CDK1: variants seen among roughly 807,000 people sequenced by gnomAD.
The protein encoded by CDK1 is cyclin dependent kinase 1.
Under a neutral mutation model 34.6 loss-of-function variants are expected in CDK1, and 5 were observed. The ratio of observed to expected loss-of-function variants is 0.14; its 90% CI spans 0.08 to 0.30. The LOEUF is 0.30. CDK1 is among the 10% of genes least tolerant of loss of function. The probability of loss-of-function intolerance (pLI) is 1.00; values close to 1 mark genes in which losing one functional copy is unlikely to be tolerated. For synonymous variants in CDK1, 108 were observed against 114.7 expected, an observed-to-expected ratio of 0.94 and a Z score of 0.37; for missense variants, 157 against 345.7, an observed-to-expected ratio of 0.45 and a Z score of 4.33.
chr10:60,792,349 C>A (rs1469989346), intron 7 of CDK1, 60 bp downstream of exon 7: 8 of 1,444,318 alleles, frequency 5.5e-6, no homozygotes, highest in Middle Eastern at 1.8e-4. Flanking sequence ...ATATTCAGTT[C>A]TTTGTTTTGC....
intron 2 of CDK1, among the ~76,000 whole-genome samples, chr10:60,784,392 C>T (rs373150318): frequency 2.2e-4 from 33 of 152,140 alleles, no homozygotes; most frequent in African/African-American, 6.3e-4. Context: ...CATTTTGGGG[C>T]GGCGAGGCAG....
At chr10:60,785,302 T>C (rs1434576434) in intron 3 of CDK1, among the ~76,000 whole-genome samples, 1 of 152,212 alleles carries the variant, frequency 6.6e-6, no homozygotes, top group East Asian at 1.9e-4. Flanking sequence ...TAAAATCTAA[T>C]TGTACTTGGC....
Position 60,788,047 on chromosome 10 carries a change from T to C in CDK1, c.319-13T>C. ...CTTCGCTTAAGTTTCTAACTTTTACTTGCTTTTTCCAGAGTTATTTATACC... is the reference window on the plus strand; with the variant it reads ...CTTCGCTTAAGTTTCTAACTTTTACCTGCTTTTTCCAGAGTTATTTATACC... On this transcript the variant is annotated splice_polypyrimidine_tract_variant and intron_variant, in intron 4 of 7. Coordinates refer to ENST00000395284, the MANE Select transcript of CDK1 (RefSeq NM_001786.5). The C allele has an allele frequency of 1.5e-6, 2 of 1,336,068 alleles. No individual in the cohort carries two copies. Among genetic ancestry groups the C allele is most frequent in the Non-Finnish European group, 2.0e-6 (2 of 1,014,594 alleles). 82.8% of individuals were successfully genotyped at this position (1,336,068 alleles called of 1,614,324 possible).
chr10:60,780,624 A>G (rs1325319365), intron 2 of CDK1, among the ~76,000 whole-genome samples: 3 of 152,192 alleles, frequency 2.0e-5, no homozygotes, highest in African/African-American at 7.2e-5. Context: ...GACTGGTTAC[A>G]ATAATTGACT....
chr10:60,788,219 T>C lies in CDK1; in HGVS notation c.478T>C (p.Tyr160His). The C allele has an allele frequency of 1.3e-6, 2 of 1,599,124 alleles. No homozygotes were observed. The highest frequency in any genetic ancestry group is 1.7e-6 in the Non-Finnish European group (2 of 1,172,220). ...AGCTTTTGGAATACCTATCAGAGTA[T>C]ATACACATGAGGCAAGTGGAATAGT... ...ARAFGIPIRV[Y>H]THEVVTLWYR... The change falls in exon 5 of 8, where the codon TAT becomes CAT. Residue 160 changes from tyrosine (Y) to histidine (H), a missense_variant. Physicochemically the swap from Tyr to His is moderately conservative, Grantham distance 83. Around this residue, in one of 3 missense-constraint regions of CDK1, gnomAD observed 102 missense variants for 233.6 expected, o/e 0.44. Coordinates refer to ENST00000395284, the MANE Select transcript of CDK1 (RefSeq NM_001786.5).
chr10:60,789,317 G>A (rs2456770), intron 5 of CDK1, among the ~76,000 whole-genome samples: 114,212 of 152,068 alleles, frequency 0.75, 43,121 homozygotes, highest in East Asian at 0.84. Flanking sequence ...TCAGCTTACA[G>A]TGCTGTAGAA....
At chr10:60,792,384 A>G in intron 7 of CDK1, 95 bp downstream of exon 7, 1 of 1,129,200 alleles carries the variant, frequency 8.9e-7, no homozygotes. Context: ...GAACACTAAC[A>G]TTTTTGAGCT....
Position 60,780,158 on chromosome 10 carries a change from GACTA to G in CDK1, c.-3_1del. On this transcript the variant is annotated 5_prime_UTR_variant, in exon 2 of 8. Coordinates refer to ENST00000395284, the MANE Select transcript of CDK1 (RefSeq NM_001786.5). ...CACTTTAGGATCTACCATACCCATTGACTAACTATGGAAGATTATACCAAAATAG... is the reference window on the plus strand; with the variant it reads ...CACTTTAGGATCTACCATACCCATTGACTATGGAAGATTATACCAAAATAG... The G allele has an allele frequency of 2.6e-6, 4 of 1,527,500 alleles. No individual in the cohort carries two copies. The highest frequency in any genetic ancestry group is 3.6e-6 in the Non-Finnish European group (4 of 1,101,782). 94.6% of individuals were successfully genotyped at this position (1,527,500 alleles called of 1,614,324 possible). A position where few individuals can be genotyped will look rare whatever the true frequency, so the allele number is the denominator to read the frequency against.
At chr10:60,784,656 C>A in intron 2 of CDK1, 49 bp from the exon 3 acceptor site, 1 of 1,433,526 alleles carries the variant, frequency 7.0e-7, no homozygotes, top group Non-Finnish European at 9.6e-7. Context: ...AAAAAAAGAT[C>A]TTTAGTTTGT....
intron 2 of CDK1, among the ~76,000 whole-genome samples, chr10:60,784,368 G>A (rs2080297710): frequency 6.6e-6 from 1 of 152,098 alleles, no homozygotes; most frequent in Non-Finnish European, 1.5e-5. Context: ...GGTGGCTCAC[G>A]CCTGTAATCT....
In CDK1 at chr10:60,788,016, C is replaced by G. The variant is rs748994277; in HGVS notation, c.319-44C>G. The G allele has an allele frequency of 3.1e-6, 3 of 962,118 alleles. No homozygotes were observed. In the African/African-American group the frequency reaches 5.0e-5, roughly 16 times the overall value. The allele number at this position is 962,118 out of a possible 1,614,324, so 59.6% of individuals were successfully genotyped here. On this transcript the variant is annotated intron_variant, in intron 4 of 7. Transcript: ENST00000395284. ...CTTTGAAACAGATTATTTAGAAAAT[C>G]ATGTACTTCGCTTAAGTTTCTAACT... is the stretch of plus-strand genomic sequence containing the variant.
At chr10:60,792,408 G>T (rs1240474108) in intron 7 of CDK1, 119 bp downstream of exon 7, 3 of 859,278 alleles carry the variant, frequency 3.5e-6, no homozygotes, top group Middle Eastern at 2.3e-4. Flanking sequence ...TGTCTGTTAT[G>T]TACATTGTAT....
chr10:60,790,601 A>C (rs2080353005), intron 5 of CDK1, among the ~76,000 whole-genome samples: 1 of 152,010 alleles, frequency 6.6e-6, no homozygotes, highest in Admixed American at 6.6e-5. Context: ...TATCCATATG[A>C]TTTTTGTCCA....
At chr10:60,786,879 C>CT (rs2080321168) in intron 4 of CDK1, 1 of 979,998 alleles carries the variant, frequency 1.0e-6, no homozygotes, top group African/African-American at 1.8e-5. Context: ...GACTTTTGGA[C>CT]TTTCTGCTTT....
intron 2 of CDK1, among the ~76,000 whole-genome samples, chr10:60,784,256 G>A (rs1017309990): frequency 2.6e-5 from 4 of 152,208 alleles, no homozygotes; most frequent in Non-Finnish European, 4.4e-5. Context: ...GAAGCAATGA[G>A]GGTATGAGTA....
chr10:60,780,167 TG>T lies in CDK1; in HGVS notation c.4del (p.Glu2?). The T allele has an allele frequency of 6.5e-7, 1 of 1,533,828 alleles. No homozygotes were observed. The highest frequency in any genetic ancestry group is 9.0e-7 in the Non-Finnish European group (1 of 1,107,360). The stretch of plus-strand genomic sequence containing the variant: ...ATCTACCATACCCATTGACTAACTA[TG>T]GAAGATTATACCAAAATAGAGAAAA... MEDYTKIEKIG... is the reference protein window; with the variant it reads XEDYTKIEKIG... On this transcript the variant is annotated frameshift_variant and start_lost, in exon 2 of 8. Coordinates refer to ENST00000395284, the MANE Select transcript of CDK1 (RefSeq NM_001786.5). LOFTEE classifies it high-confidence loss of function.
At chr10:60,786,046 GTCTT>G in intron 4 of CDK1, 1 of 1,077,758 alleles carries the variant, frequency 9.3e-7, no homozygotes, top group Non-Finnish European at 1.1e-6. Context: ...GGGTAGTCTG[GTCTT>G]TCTTTGGCTG....
intron 5 of CDK1, among the ~76,000 whole-genome samples, 172 bp downstream of exon 5, chr10:60,788,402 A>C (rs2080333121): frequency 6.6e-6 from 1 of 152,084 alleles, no homozygotes; most frequent in Non-Finnish European, 1.5e-5. Flanking sequence ...AATGGAACTG[A>C]AGCCTTTAAG....
In CDK1 at chr10:60,791,269, C is replaced by G. The variant is rs554327479; in HGVS notation, c.490-621C>G. Among the ~76,000 whole-genome samples, 78 of 151,806 alleles carry G rather than the reference C, an allele frequency of 5.1e-4. 2 individuals are homozygous for G. The South Asian group carries it at 0.014, about 27-fold the overall frequency. On this transcript the variant is annotated intron_variant, in intron 5 of 7. Coordinates refer to ENST00000395284, the MANE Select transcript of CDK1 (RefSeq NM_001786.5). ...TAAATTTATTCCTAGGTTTTTTGTA[C>G]CTATTGTACATTAGATTGCTTTCTT...
Sources: gnomAD v4.1 joint callset for allele counts (sites outside exome capture counted in the v4.1 genomes callset) on GRCh38, gnomAD v4.1.1 for gene constraint, gnomAD v4.1.1 regional missense constraint, MANE v1.5 for transcripts, NCBI Gene and HGNC (gene_info 2026-07-23, HGNC 2026-07-21) for gene names.